PRKCH: variants seen among roughly 807,000 people sequenced by gnomAD.
PRKCH encodes protein kinase C eta.
A neutral mutation model predicts 82.5 loss-of-function variants in PRKCH; 28 were observed. The observed-to-expected ratio is 0.34, with a 90% confidence interval of 0.25 to 0.47. The LOEUF (loss-of-function observed/expected upper bound fraction) is 0.47, where lower values mean the gene tolerates loss of function less well. Ranked by LOEUF, PRKCH falls within the 20% of genes least tolerant of loss-of-function variation. The probability of loss-of-function intolerance (pLI) is 1.00; values close to 1 mark genes in which losing one functional copy is unlikely to be tolerated. For missense variants in PRKCH, 705 were observed against 881.8 expected (o/e 0.80, Z 2.54); for synonymous variants, 322 against 327.4 (o/e 0.98, Z 0.18).
chr14:61,487,329 G>A (rs1327123129), intron 10 of PRKCH, among the ~76,000 whole-genome samples: 3 of 152,200 alleles, frequency 2.0e-5, no homozygotes, highest in Non-Finnish European at 2.9e-5. Flanking sequence ...ATCTCTGCTC[G>A]TTCTTAGGTC....
intron 12 of PRKCH, among the ~76,000 whole-genome samples, chr14:61,532,985 C>G (rs1088677): frequency 0.74 from 112,021 of 152,152 alleles, 43,794 homozygotes; most frequent in Middle Eastern, 0.89. Flanking sequence ...ACTCGACGCT[C>G]TCTCTGGGTA....
At chr14:61,461,564 C>A (rs1221438312) in intron 9 of PRKCH, among the ~76,000 whole-genome samples, 1 of 152,192 alleles carries the variant, frequency 6.6e-6, no homozygotes, top group East Asian at 1.9e-4. Flanking sequence ...TTGAGTCAAG[C>A]AGTCAACTGA....
chr14:61,409,781 A>C (rs1320713943), intron 2 of PRKCH, among the ~76,000 whole-genome samples: 3 of 152,110 alleles, frequency 2.0e-5, no homozygotes, highest in African/African-American at 7.2e-5. Context: ...AATGTTTTAA[A>C]AGTAGATTGT....
At chr14:61,368,938 G>A (rs1392694447) in intron 1 of PRKCH, among the ~76,000 whole-genome samples, 1 of 152,036 alleles carries the variant, frequency 6.6e-6, no homozygotes, top group Non-Finnish European at 1.5e-5. Context: ...AGATGTGGAA[G>A]TCTAATATGT....
chr14:61,458,043 C>T (rs1884860535), intron 9 of PRKCH, among the ~76,000 whole-genome samples: 1 of 152,224 alleles, frequency 6.6e-6, no homozygotes, highest in African/African-American at 2.4e-5. Flanking sequence ...TTGGCTGTGA[C>T]TCTGCTCCTA....
chr14:61,446,298 A>G (rs1042694349), intron 4 of PRKCH, among the ~76,000 whole-genome samples: 2 of 152,252 alleles, frequency 1.3e-5, no homozygotes, highest in African/African-American at 4.8e-5. Context: ...TTCTAGCATA[A>G]TTGGAAAGAA....
chr14:61,364,330 G>C (rs2046270948), intron 1 of PRKCH, among the ~76,000 whole-genome samples: 1 of 151,956 alleles, frequency 6.6e-6, no homozygotes, highest in African/African-American at 2.4e-5. Flanking sequence ...GAGATGAGAT[G>C]ATTGAGGAAA....
Position 61,549,631 on chromosome 14 carries a change from G to A in PRKCH, c.1906-54G>A. The A allele has an allele frequency of 2.5e-6, 4 of 1,593,246 alleles. No homozygotes were observed. In the Admixed American group the frequency reaches 6.8e-5, roughly 27 times the overall value. On this transcript the variant is annotated intron_variant, in intron 13 of 13. Coordinates refer to ENST00000332981, the MANE Select transcript of PRKCH (RefSeq NM_006255.5). Reference sequence around the variant, plus strand: ...GAATGGGCTATATCCCATGCAAGATGAGTAAGCCTCAAGCGCAAAAATCTC... The same window carrying A: ...GAATGGGCTATATCCCATGCAAGATAAGTAAGCCTCAAGCGCAAAAATCTC...
At chr14:61,312,550 A>G (rs1480849625) in intron 1 of PRKCH, among the ~76,000 whole-genome samples, 2 of 152,192 alleles carry the variant, frequency 1.3e-5, no homozygotes, top group Non-Finnish European at 2.9e-5. Flanking sequence ...ATACCCGAGA[A>G]TGGGTAATTT....
chr14:61,257,024 G>C (rs2045003536), intron 1 of PRKCH, among the ~76,000 whole-genome samples: 1 of 152,114 alleles, frequency 6.6e-6, no homozygotes, highest in Admixed American at 6.6e-5. Flanking sequence ...TGTGTATTTT[G>C]ACAGGAAACA....
chr14:61,383,830 C>T (rs2046547727), intron 1 of PRKCH, among the ~76,000 whole-genome samples: 1 of 151,972 alleles, frequency 6.6e-6, no homozygotes, highest in South Asian at 2.1e-4. Context: ...TTTTTTTCTT[C>T]TTTTTGTATT....
At chr14:61,449,802 T>G (rs1884398399) in intron 5 of PRKCH, among the ~76,000 whole-genome samples, 1 of 152,142 alleles carries the variant, frequency 6.6e-6, no homozygotes, top group African/African-American at 2.4e-5. Flanking sequence ...TTATGTTTCC[T>G]AAGTAAAAAG....
intron 10 of PRKCH, among the ~76,000 whole-genome samples, chr14:61,502,055 C>CTT (rs1566916525): frequency 1.2e-5 from 1 of 84,294 alleles, no homozygotes; most frequent in African/African-American, 5.4e-5. Flanking sequence ...CTTTTCTTTT[C>CTT]TTTTCTTTTC....
intron 2 of PRKCH, among the ~76,000 whole-genome samples, chr14:61,440,725 T>C (rs1193668655): frequency 1.3e-5 from 2 of 151,862 alleles, no homozygotes; most frequent in Non-Finnish European, 2.9e-5. Flanking sequence ...AATACGAAAA[T>C]TAGCTGGGCT....
chr14:61,503,726 G>A lies in PRKCH; in HGVS notation c.1433+18070G>A, dbSNP rs17098595. On this transcript the variant is annotated intron_variant, in intron 10 of 13. Coordinates refer to ENST00000332981, the MANE Select transcript of PRKCH (RefSeq NM_006255.5). ...GGAAAGGAAGTGAATCTGTTACAAA[G>A]CGCTTTACCTCTGAAGCATGTCTCA... Among the ~76,000 whole-genome samples the A allele has an allele frequency of 5.4e-3, 826 of 152,228 alleles. 8 individuals carry two copies. Among genetic ancestry groups the A allele is most frequent in the African/African-American group, 0.019 (792 of 41,508 alleles).
At chr14:61,451,086 A>C (rs1347618648) in intron 6 of PRKCH, 115 bp downstream of exon 6, 2 of 1,263,214 alleles carry the variant, frequency 1.6e-6, no homozygotes, top group Non-Finnish European at 1.1e-6. Flanking sequence ...GATATGTTGT[A>C]AATCAACATC....
chr14:61,339,324 CTT>C (rs763833426), intron 1 of PRKCH, among the ~76,000 whole-genome samples: 5 of 143,578 alleles, frequency 3.5e-5, no homozygotes, highest in Admixed American at 7.0e-5. Flanking sequence ...TTAATTGTAA[CTT>C]TTTTTTTTTT....
chr14:61,314,091 G>A (rs891335414), intron 1 of PRKCH, among the ~76,000 whole-genome samples: 5 of 152,186 alleles, frequency 3.3e-5, no homozygotes, highest in African/African-American at 9.7e-5. Flanking sequence ...CTAGTTTTAC[G>A]TGTTAGAAGT....
At chr14:61,502,069 T>TC (rs1566916598) in intron 10 of PRKCH, among the ~76,000 whole-genome samples, 18 of 139,568 alleles carry the variant, frequency 1.3e-4, no homozygotes, top group Admixed American at 4.3e-4. Context: ...TCTTTTCTTT[T>TC]TTTTTTTTTT....
Sources: gnomAD v4.1 joint callset for allele counts (sites outside exome capture counted in the v4.1 genomes callset) on GRCh38, gnomAD v4.1.1 for gene constraint, MANE v1.5 for transcripts, NCBI Gene and HGNC (gene_info 2026-07-23, HGNC 2026-07-21) for gene names.